MAP3K20: variants seen among roughly 807,000 people sequenced by gnomAD.
MAP3K20 encodes HCCS-4.
Under a neutral mutation model 85.7 loss-of-function variants are expected in MAP3K20, and 40 were observed. That is an observed-to-expected ratio of 0.47 (90% CI 0.36 to 0.61). The LOEUF is 0.61. MAP3K20 is among the 20% of genes least tolerant of loss of function. The pLI is 0.00. For missense variants in MAP3K20, 817 were observed against 961.7 expected (o/e 0.85, Z 1.99); for synonymous variants, 325 against 327.7 (o/e 0.99, Z 0.09).
At chr2:173,208,276 T>C (rs936556640) in intron 9 of MAP3K20, among the ~76,000 whole-genome samples, 1 of 151,762 alleles carries the variant, frequency 6.6e-6, no homozygotes, top group Admixed American at 6.6e-5. Context: ...GCAAACACCT[T>C]TAGTCCCCGC....
At chr2:173,136,631 C>T (rs946347219) in intron 2 of MAP3K20, among the ~76,000 whole-genome samples, 1 of 152,186 alleles carries the variant, frequency 6.6e-6, no homozygotes, top group Non-Finnish European at 1.5e-5. Context: ...GGCTTCACCT[C>T]TCATCCTGAG....
At chr2:173,206,474 C>T (rs1683689767) in intron 9 of MAP3K20, among the ~76,000 whole-genome samples, 1 of 152,136 alleles carries the variant, frequency 6.6e-6, no homozygotes, top group African/African-American at 2.4e-5. Context: ...TATACCTGGC[C>T]ACGGCCCACA....
chr2:173,221,585 TG>T, intron 11 of MAP3K20: 1 of 1,449,184 alleles, frequency 6.9e-7, no homozygotes, highest in Non-Finnish European at 9.1e-7. Flanking sequence ...AAAAGTAACT[TG>T]TTTATCTCAG....
intron 16 of MAP3K20, among the ~76,000 whole-genome samples, chr2:173,252,660 A>G (rs557392842): frequency 1.3e-5 from 2 of 152,314 alleles, no homozygotes; most frequent in East Asian, 3.9e-4. Context: ...CCCAGTGCCC[A>G]CCTCCGCTCC....
chr2:173,160,960 C>T (rs1689640856), intron 2 of MAP3K20, among the ~76,000 whole-genome samples: 2 of 152,096 alleles, frequency 1.3e-5, no homozygotes, highest in Admixed American at 1.3e-4. Context: ...TGAATGTGGA[C>T]TTGGCAAAAG....
intron 3 of MAP3K20, among the ~76,000 whole-genome samples, chr2:173,172,619 C>T (rs13004345): frequency 0.5 from 75,216 of 151,794 alleles, 21,601 homozygotes; most frequent in South Asian, 0.69. Flanking sequence ...TTTTTTATCA[C>T]AGACATATAA....
In MAP3K20 at chr2:173,198,932, G is replaced by C. The variant is rs1690940797; in HGVS notation, c.669+820G>C. On this transcript the variant is annotated intron_variant, in intron 8 of 19. Coordinates refer to ENST00000375213, the MANE Select transcript of MAP3K20 (RefSeq NM_016653.3). The surrounding 1 kb of genome is among the most constrained non-coding windows in gnomAD (Gnocchi z 5.8). ...CCATGGAAATTCTCAGCATAAGGAT[G>C]AAGCATCCAATATCAAGGTATTATG... 6.6e-6 allele frequency: 1 copy of C among 152,588 alleles called. No homozygotes were observed. The highest frequency in any genetic ancestry group is 2.4e-5 in the African/African-American group (1 of 41,444). 9.5% of individuals were successfully genotyped at this position (152,588 alleles called of 1,614,324 possible).
chr2:173,221,848 T>A, intron 11 of MAP3K20: 1 of 1,027,204 alleles, frequency 9.7e-7, no homozygotes, highest in Non-Finnish European at 1.2e-6. Context: ...ATGAATACTT[T>A]TTAGTTTGTA....
chr2:173,076,029 G>C (rs1686842616), intron 1 of MAP3K20, 27 bp downstream of exon 1: 3 of 984,046 alleles, frequency 3.0e-6, no homozygotes, highest in Non-Finnish European at 3.6e-6. Context: ...AGCCCGCGGA[G>C]GGCGGGGAGG....
At chr2:173,240,076 T>C (rs930302118) in intron 16 of MAP3K20, among the ~76,000 whole-genome samples, 1 of 152,232 alleles carries the variant, frequency 6.6e-6, no homozygotes, top group African/African-American at 2.4e-5. Flanking sequence ...TGATAACTTC[T>C]GTTAACTGAC....
At chr2:173,137,029 G>A (rs987903051) in intron 2 of MAP3K20, among the ~76,000 whole-genome samples, 2 of 152,146 alleles carry the variant, frequency 1.3e-5, no homozygotes, top group Non-Finnish European at 2.9e-5. Flanking sequence ...GGAGAGTAGC[G>A]ATGAAAATTT....
chr2:173,080,208 G>A (rs1686976675), intron 1 of MAP3K20, among the ~76,000 whole-genome samples: 1 of 152,208 alleles, frequency 6.6e-6, no homozygotes, highest in African/African-American at 2.4e-5. Context: ...GCATAGTTAT[G>A]TGGTGCATGA....
intron 1 of MAP3K20, among the ~76,000 whole-genome samples, chr2:173,081,571 G>A (rs1450753422): frequency 6.6e-6 from 1 of 152,166 alleles, no homozygotes; most frequent in Non-Finnish European, 1.5e-5. Context: ...ATGTTAGGTG[G>A]TTATACGATG....
chr2:173,082,891 T>G (rs1687050277), intron 1 of MAP3K20, among the ~76,000 whole-genome samples: 1 of 152,264 alleles, frequency 6.6e-6, no homozygotes. Flanking sequence ...TCTGTGGCGT[T>G]AAGTGCTCCC....
At chr2:173,153,699 T>A (rs71417424) in intron 2 of MAP3K20, among the ~76,000 whole-genome samples, 2,365 of 152,338 alleles carry the variant, frequency 0.016, 22 homozygotes, top group Non-Finnish European at 0.026. Context: ...GCAGAAGATT[T>A]GTCCTAGGAT....
At chr2:173,167,695 C>A (rs1689874785) in intron 2 of MAP3K20, among the ~76,000 whole-genome samples, 1 of 152,080 alleles carries the variant, frequency 6.6e-6, no homozygotes, top group African/African-American at 2.4e-5. Context: ...CTTACCGGCA[C>A]CTGAAATGAT....
intron 10 of MAP3K20, among the ~76,000 whole-genome samples, chr2:173,214,778 T>G (rs1182542488): frequency 2.0e-5 from 3 of 152,208 alleles, no homozygotes; most frequent in Admixed American, 6.5e-5. Flanking sequence ...ACTAAGACAT[T>G]TAAACTATAT....
At chr2:173,097,327 G>T (rs1398065065) in intron 2 of MAP3K20, among the ~76,000 whole-genome samples, 1 of 152,182 alleles carries the variant, frequency 6.6e-6, no homozygotes, top group East Asian at 1.9e-4. Context: ...GTGCACTCCA[G>T]CCTGGGCTAC....
At chr2:173,167,363 T>C (rs1413505350) in intron 2 of MAP3K20, among the ~76,000 whole-genome samples, 1 of 152,196 alleles carries the variant, frequency 6.6e-6, no homozygotes, top group Admixed American at 6.5e-5. Flanking sequence ...TGGAGCTTAT[T>C]TGAATTGCTG....
Sources: allele counts gnomAD v4.1 joint callset (sites outside exome capture counted in the v4.1 genomes callset), GRCh38; gene constraint gnomAD v4.1.1; non-coding constraint Gnocchi (gnomAD v3.1); transcripts MANE v1.5; gene names NCBI Gene and HGNC (gene_info 2026-07-23, HGNC 2026-07-21).